Variants in MEMO1 observed in about 807,000 individuals in gnomAD.
MEMO1 encodes mediator of cell motility 1, also known as protein MEMO1.
MEMO1 carries 6 observed loss-of-function variants against 45.2 expected under a neutral mutation model. The ratio of observed to expected loss-of-function variants is 0.13; its 90% CI spans 0.07 to 0.26. The LOEUF (loss-of-function observed/expected upper bound fraction) is 0.26. Among genes scored for constraint, MEMO1 ranks in the 10% least tolerant of loss-of-function variants. MEMO1 has a pLI of 1.00. For missense variants in MEMO1, 184 were observed against 370.5 expected (o/e 0.50, Z 4.13); for synonymous variants, 78 against 124.3 (o/e 0.63, Z 2.48).
rs1428013664 is a variant in MEMO1 at position 32,002,052 on chromosome 2, A to AG, written c.61+8134dup. Reference sequence around the variant, plus strand: ...ACCCAGCTACTTGGGAGGCTGAGGCAGGGGAATCGCTTGAACCAGGAGGCA... The same window carrying AG: ...ACCCAGCTACTTGGGAGGCTGAGGCAGGGGGAATCGCTTGAACCAGGAGGCA... On this transcript the variant is annotated intron_variant, in intron 2 of 9. Transcript: ENST00000404530. 1.3e-4 allele frequency among the ~76,000 whole-genome samples: 20 copies of AG among 148,440 alleles called. No individual in the cohort carries two copies. In the East Asian group the frequency reaches 3.7e-3, roughly 27 times the overall value.
chr2:31,940,048 G>A (rs185438100), intron 3 of MEMO1, among the ~76,000 whole-genome samples: 9 of 151,870 alleles, frequency 5.9e-5, no homozygotes, highest in South Asian at 4.2e-4. Context: ...TTTTTCCCCC[G>A]ACACATTTTT....
chr2:31,961,792 T>G (rs1205697953), intron 2 of MEMO1, among the ~76,000 whole-genome samples: 1 of 151,118 alleles, frequency 6.6e-6, no homozygotes, highest in African/African-American at 2.4e-5. Flanking sequence ...AAAAAAAAAG[T>G]TATCCTGGTT....
At position 31,917,322 on chromosome 2, in the gene MEMO1, T is replaced by C. The variant is rs7590909; in HGVS notation, c.437+604A>G. Among the ~76,000 whole-genome samples, 1,346 of 152,350 alleles carry C rather than the reference T, an allele frequency of 8.8e-3. 29 individuals carry two copies. Among genetic ancestry groups the C allele is most frequent in the African/African-American group, 0.031 (1,269 of 41,578 alleles). On this transcript the variant is annotated intron_variant, in intron 6 of 9. Coordinates refer to ENST00000404530, the MANE Select transcript of MEMO1 (RefSeq NM_001301833.4). ...AAGAAAACCCTTGAAATAATTTTTT[T>C]ATTTTATCAAAATACATAATAACTA...
At chr2:31,945,407 T>C (rs1411682567) in intron 2 of MEMO1, among the ~76,000 whole-genome samples, 1 of 152,200 alleles carries the variant, frequency 6.6e-6, no homozygotes, top group Non-Finnish European at 1.5e-5. Flanking sequence ...TGTACTCTTC[T>C]TCAACTTGAC....
chr2:31,883,597 G>A (rs1675726749), intron 7 of MEMO1, 135 bp from the exon 8 acceptor site: 1 of 607,740 alleles, frequency 1.6e-6, no homozygotes, highest in Admixed American at 3.1e-5. Flanking sequence ...TCATTCCCAA[G>A]AGCCCTTGTA....
intron 8 of MEMO1, among the ~76,000 whole-genome samples, chr2:31,870,497 G>A (rs578011434): frequency 7.9e-5 from 12 of 151,942 alleles, no homozygotes; most frequent in Non-Finnish European, 1.2e-4. Context: ...CTAGGTTTGT[G>A]GAAAAAAATG....
chr2:31,998,041 C>T (rs948624363), intron 2 of MEMO1, among the ~76,000 whole-genome samples: 1 of 152,150 alleles, frequency 6.6e-6, no homozygotes, highest in African/African-American at 2.4e-5. Flanking sequence ...CAGAATCTCA[C>T]TCGGTCACTC....
At chr2:31,881,495 TAA>T (rs34058748) in intron 8 of MEMO1, among the ~76,000 whole-genome samples, 1,218 of 68,336 alleles carry the variant, frequency 0.018, 7 homozygotes, top group African/African-American at 0.052. Flanking sequence ...AGCCTGTCTT[TAA>T]AAAAAAAAAA....
At position 31,897,930 on chromosome 2, in the gene MEMO1, T is replaced by C. The variant is rs538273632; in HGVS notation, c.438-5796A>G. Among the ~76,000 whole-genome samples the C allele has an allele frequency of 2.0e-5, 3 of 152,160 alleles. No individual in the cohort carries two copies. In the East Asian group the frequency reaches 5.8e-4, roughly 29 times the overall value. On this transcript the variant is annotated intron_variant, in intron 6 of 9. Transcript: ENST00000404530. ...TCTTTTCAGGGATTTGACTTCTTCCTGGTTTAGTCTTGGGAGGGTGTATGT... is the reference window on the plus strand; with the variant it reads ...TCTTTTCAGGGATTTGACTTCTTCCCGGTTTAGTCTTGGGAGGGTGTATGT...
intron 6 of MEMO1, among the ~76,000 whole-genome samples, chr2:31,894,231 G>A (rs972888550): frequency 1.3e-5 from 2 of 152,110 alleles, no homozygotes; most frequent in Admixed American, 1.3e-4. Flanking sequence ...AGAACTTCTT[G>A]GTAACAACAA....
chr2:31,987,752 G>A (rs1249288717), intron 2 of MEMO1, among the ~76,000 whole-genome samples: 1 of 152,038 alleles, frequency 6.6e-6, no homozygotes, highest in African/African-American at 2.4e-5. Context: ...GAGCAATCTA[G>A]TTTTCTTCCT....
At chr2:32,000,875 G>A (rs374716890) in intron 2 of MEMO1, among the ~76,000 whole-genome samples, 1 of 151,052 alleles carries the variant, frequency 6.6e-6, no homozygotes, top group Non-Finnish European at 1.5e-5. Context: ...ATCTGTCCCC[G>A]CAATTAAAAT....
At chr2:31,919,107 T>C (rs967191079) in intron 5 of MEMO1, among the ~76,000 whole-genome samples, 1 of 151,516 alleles carries the variant, frequency 6.6e-6, no homozygotes, top group African/African-American at 2.4e-5. Context: ...AATGGACTCT[T>C]TTATTATTTT....
intron 6 of MEMO1, chr2:31,893,177 G>A (rs115767562): frequency 0.011 from 2,231 of 208,824 alleles, 19 homozygotes; most frequent in Middle Eastern, 0.048. Flanking sequence ...CCAAATAAAT[G>A]TTAGCCCAGC....
At chr2:31,966,265 AAAT>A (rs1434769500) in intron 2 of MEMO1, among the ~76,000 whole-genome samples, 109 of 152,330 alleles carry the variant, frequency 7.2e-4, no homozygotes, top group African/African-American at 2.6e-3. Flanking sequence ...TCCACTGTTT[AAAT>A]AGAGACTTAT....
intron 2 of MEMO1, among the ~76,000 whole-genome samples, chr2:31,993,120 C>G (rs1672149472): frequency 6.6e-6 from 1 of 152,058 alleles, no homozygotes; most frequent in South Asian, 2.1e-4. Flanking sequence ...CTGCAGCGAG[C>G]TATGACTGTG....
intron 4 of MEMO1, among the ~76,000 whole-genome samples, chr2:31,925,645 A>G (rs1330250395): frequency 6.6e-6 from 1 of 152,078 alleles, no homozygotes; most frequent in African/African-American, 2.4e-5. Flanking sequence ...ATAAAATTAA[A>G]ACTATTTTCA....
chr2:31,923,515 C>T (rs1285661540), intron 4 of MEMO1: 1 of 1,078,188 alleles, frequency 9.3e-7, no homozygotes, highest in African/African-American at 1.6e-5. Flanking sequence ...ACTCTGGTCA[C>T]CTATCTTAAT....
chr2:31,971,596 G>C (rs922711245), intron 2 of MEMO1, among the ~76,000 whole-genome samples: 1 of 151,974 alleles, frequency 6.6e-6, no homozygotes, highest in African/African-American at 2.4e-5. Flanking sequence ...GGCTGAACTA[G>C]AACTCCTAGG....
Sources: gnomAD v4.1 joint callset for allele counts (sites outside exome capture counted in the v4.1 genomes callset) on GRCh38, gnomAD v4.1.1 for gene constraint, MANE v1.5 for transcripts, NCBI Gene and HGNC (gene_info 2026-07-23, HGNC 2026-07-21) for gene names.